Variants in KCNH8 observed in about 807,000 individuals in gnomAD.
KCNH8 encodes the protein voltage-gated delayed rectifier potassium channel KCNH8.
Under a neutral mutation model 103.6 loss-of-function variants are expected in KCNH8, and 70 were observed. The observed-to-expected ratio is 0.68, with a 90% confidence interval of 0.56 to 0.82. The LOEUF is 0.82. KCNH8 is among the 40% of genes least tolerant of loss of function. The pLI, the probability that KCNH8 is intolerant of heterozygous loss-of-function variation, is 0.00. For missense variants in KCNH8, 1,217 were observed against 1,329.9 expected, an observed-to-expected ratio of 0.92 and a Z score of 1.32; for synonymous variants, 498 against 489.4, an observed-to-expected ratio of 1.02 and a Z score of -0.23.
At chr3:19,437,033 T>C (rs2067209706) in intron 7 of KCNH8, among the ~76,000 whole-genome samples, 1 of 152,190 alleles carries the variant, frequency 6.6e-6, no homozygotes, top group African/African-American at 2.4e-5. Flanking sequence ...CAAATTTGCA[T>C]TTTAATTACC....
intron 1 of KCNH8, among the ~76,000 whole-genome samples, chr3:19,238,263 T>G (rs753840934): frequency 5.3e-5 from 8 of 152,344 alleles, no homozygotes; most frequent in South Asian, 4.1e-4. Context: ...AGATTAAATC[T>G]TTCCCTTGTA....
intron 5 of KCNH8, among the ~76,000 whole-genome samples, chr3:19,369,296 A>T (rs1168849693): frequency 6.6e-6 from 1 of 151,808 alleles, no homozygotes; most frequent in Non-Finnish European, 1.5e-5. Flanking sequence ...CATATTTGAT[A>T]CTGGTGACCC....
chr3:19,467,678 T>G (rs536278396), intron 11 of KCNH8, among the ~76,000 whole-genome samples: 1 of 152,284 alleles, frequency 6.6e-6, no homozygotes, highest in African/African-American at 2.4e-5. Flanking sequence ...ATAGTGATTC[T>G]CCCTGCCTCC....
intron 11 of KCNH8, among the ~76,000 whole-genome samples, chr3:19,459,570 T>A (rs2125191034): frequency 6.6e-6 from 1 of 152,224 alleles, no homozygotes; most frequent in South Asian, 2.1e-4. Flanking sequence ...ATTCTGTTGA[T>A]TGTTCCTTTT....
At position 19,533,900 on chromosome 3, in the gene KCNH8, T is replaced by C. The variant is rs1177580460; in HGVS notation, c.3125T>C (p.Leu1042Ser). The change falls in exon 16 of 16, where the codon TTG (leucine) becomes TCG (serine). Residue 1042 changes from leucine (L) to serine (S), a missense_variant. Leu to Ser is a moderately radical substitution (Grantham distance 145). Coordinates refer to ENST00000328405, the MANE Select transcript of KCNH8 (RefSeq NM_144633.3). ...SSVCSSSETS[L>S]HLVLPSRSEE... ...GTCTGCTCCTCTTCGGAAACATCTT[T>C]GCACCTAGTTCTCCCAAGCAGATCA... is the stretch of plus-strand genomic sequence containing the variant. 2 of 1,614,044 alleles carry C rather than the reference T, an allele frequency of 1.2e-6. No homozygotes were observed. Among genetic ancestry groups the C allele is most frequent in the Non-Finnish European group, 1.7e-6 (2 of 1,180,030 alleles).
intron 11 of KCNH8, among the ~76,000 whole-genome samples, chr3:19,483,711 T>C (rs2068138764): frequency 6.6e-6 from 1 of 152,218 alleles, no homozygotes; most frequent in Non-Finnish European, 1.5e-5. Flanking sequence ...GGAGAGCGTT[T>C]GTAAACTTTT....
At chr3:19,193,718 A>T (rs2063574507) in intron 1 of KCNH8, among the ~76,000 whole-genome samples, 1 of 151,840 alleles carries the variant, frequency 6.6e-6, no homozygotes, top group African/African-American at 2.4e-5. Flanking sequence ...CTGAGTATTA[A>T]ATTGGAGATA....
At chr3:19,227,286 G>A (rs2063942994) in intron 1 of KCNH8, among the ~76,000 whole-genome samples, 1 of 152,100 alleles carries the variant, frequency 6.6e-6, no homozygotes, top group East Asian at 1.9e-4. Context: ...ATTTTCCATA[G>A]TGTTACTAAT....
rs538207126 is a variant in KCNH8 at position 19,426,588 on chromosome 3, G to C, written c.1178-11576G>C. On this transcript the variant is annotated intron_variant, in intron 7 of 15. Transcript: ENST00000328405. The stretch of plus-strand genomic sequence containing the variant: ...ATGAAGTAAATTTTGTTTTGCCATA[G>C]ATGGCCAGGGGCTAGGTGTCATTTG... 2.6e-5 allele frequency among the ~76,000 whole-genome samples: 4 copies of C among 151,160 alleles called. No individual in the cohort carries two copies. In the East Asian group the frequency reaches 7.8e-4, roughly 29 times the overall value.
intron 5 of KCNH8, among the ~76,000 whole-genome samples, chr3:19,362,104 G>T (rs13083035): frequency 6.6e-6 from 1 of 151,906 alleles, no homozygotes; most frequent in Non-Finnish European, 1.5e-5. Context: ...GATAATGTAG[G>T]GGAGGAAAAT....
At chr3:19,482,327 C>A (rs2068104918) in intron 11 of KCNH8, among the ~76,000 whole-genome samples, 1 of 152,168 alleles carries the variant, frequency 6.6e-6, no homozygotes, top group East Asian at 1.9e-4. Flanking sequence ...TTTACTTATT[C>A]TTTCTTTGGA....
At position 19,233,779 on chromosome 3, in the gene KCNH8, G is replaced by T. The variant is rs372761760; in HGVS notation, c.77-19875G>T. Among the ~76,000 whole-genome samples, 27 of 152,208 alleles carry T rather than the reference G, an allele frequency of 1.8e-4. No homozygotes were observed. In the East Asian group the frequency reaches 2.7e-3, roughly 15 times the overall value. On this transcript the variant is annotated intron_variant, in intron 1 of 15. Coordinates refer to ENST00000328405, the MANE Select transcript of KCNH8 (RefSeq NM_144633.3). ...TGGTCTCACTGACTTCAAGAATGAA[G>T]CCATGGACCCTCGCGGTGAGTGTTA... is the stretch of plus-strand genomic sequence containing the variant.
At position 19,456,791 on chromosome 3, in the gene KCNH8, A is replaced by G. The variant is rs769588648; in HGVS notation, c.1849A>G (p.Asn617Asp). The G allele has an allele frequency of 6.2e-7, 1 of 1,610,324 alleles. No homozygotes were observed. The highest frequency in any genetic ancestry group is 8.5e-7 in the Non-Finnish European group (1 of 1,177,114). ...AGGGAAAGGGGATTTAATTGGAGCA[A>G]ATCTATCAATTAAGGACCAAGTGAT... ...ILGKGDLIGA[N>D]LSIKDQVIKT... Residue 617 changes from asparagine (N) to aspartate (D), a missense_variant, in exon 11 of 16, where the codon AAT becomes GAT. Physicochemically the swap from Asn to Asp is conservative, Grantham distance 23 (BLOSUM62 1). This residue lies in a region of KCNH8 where 415 missense variants were observed against 577.4 expected (regional missense o/e 0.72). Transcript: ENST00000328405.
chr3:19,175,757 T>G (rs2063393796), intron 1 of KCNH8, among the ~76,000 whole-genome samples: 1 of 152,224 alleles, frequency 6.6e-6, no homozygotes, highest in Admixed American at 6.5e-5. Context: ...AAAATTGATT[T>G]GTCATCTTGA....
At chr3:19,480,325 A>G (rs2068062632) in intron 11 of KCNH8, among the ~76,000 whole-genome samples, 1 of 152,154 alleles carries the variant, frequency 6.6e-6, no homozygotes, top group African/African-American at 2.4e-5. Context: ...ACCACTCAAA[A>G]TCCTTCCAAA....
Position 19,513,300 on chromosome 3 carries a change from G to T in KCNH8, c.2410G>T (p.Ala804Ser), listed in dbSNP as rs1385166061. 5.0e-6 allele frequency: 8 copies of T among 1,605,904 alleles called. No homozygotes were observed. Among genetic ancestry groups the T allele is most frequent in the Non-Finnish European group, 6.8e-6 (8 of 1,176,768 alleles). ...ATTGCAACTTTCAACTTTGAATAATGCTGGACCCCCAGACCTCAGTCCAAG... is the reference window on the plus strand; with the variant it reads ...ATTGCAACTTTCAACTTTGAATAATTCTGGACCCCCAGACCTCAGTCCAAG... ...LKLQLSTLNNAGPPDLSPRIV... is the reference protein window; with the variant it reads ...LKLQLSTLNNSGPPDLSPRIV... The change falls in exon 13 of 16, where the codon GCT becomes TCT. Residue 804 changes from alanine to serine, a missense_variant. Physicochemically the swap from Ala to Ser is moderately conservative, Grantham distance 99. Coordinates refer to ENST00000328405, the MANE Select transcript of KCNH8 (RefSeq NM_144633.3).
At chr3:19,483,343 G>A (rs781210821) in intron 11 of KCNH8, among the ~76,000 whole-genome samples, 8 of 152,036 alleles carry the variant, frequency 5.3e-5, no homozygotes, top group South Asian at 2.1e-4. Context: ...GACTGTTTTC[G>A]TGTTACCACT....
intron 5 of KCNH8, among the ~76,000 whole-genome samples, chr3:19,376,266 G>T (rs2066200026): frequency 6.6e-6 from 1 of 152,206 alleles, no homozygotes; most frequent in Admixed American, 6.5e-5. Context: ...GTGGGCGTAG[G>T]ACCCTCTGAG....
intron 5 of KCNH8, among the ~76,000 whole-genome samples, chr3:19,359,284 T>C (rs977170465): frequency 6.6e-6 from 1 of 151,876 alleles, no homozygotes; most frequent in African/African-American, 2.4e-5. Flanking sequence ...GTAAGTAATA[T>C]TATATGTTAA....
Sources: allele counts gnomAD v4.1 joint callset (sites outside exome capture counted in the v4.1 genomes callset), GRCh38; gene constraint gnomAD v4.1.1; regional missense constraint gnomAD v4.1.1; transcripts MANE v1.5; gene names NCBI Gene and HGNC (gene_info 2026-07-23, HGNC 2026-07-21).